Variants in GLI2 observed in about 807,000 individuals in gnomAD.
GLI2 encodes the protein transcription activator GLI2.
Under a neutral mutation model 78.9 loss-of-function variants are expected in GLI2, and 22 were observed. The ratio of observed to expected loss-of-function variants is 0.28; its 90% CI spans 0.20 to 0.40. The LOEUF (loss-of-function observed/expected upper bound fraction) is 0.40. Ranked by LOEUF, GLI2 falls within the 10% of genes least tolerant of loss-of-function variation. The pLI is 1.00. For synonymous variants in GLI2, 974 were observed against 963.7 expected, an observed-to-expected ratio of 1.01 and a Z score of -0.20; for missense variants, 2,097 against 2,213.2, an observed-to-expected ratio of 0.95 and a Z score of 1.05.
intron 12 of GLI2, 93 bp downstream of exon 12, chr2:120,984,836 C>A: frequency 1.5e-6 from 2 of 1,351,340 alleles, no homozygotes; most frequent in Non-Finnish European, 1.0e-6. Context: ...TGCCCTAAGG[C>A]CCCCCTCTAG....
chr2:120,859,133 A>G (rs1355550571), intron 2 of GLI2, among the ~76,000 whole-genome samples: 2 of 152,148 alleles, frequency 1.3e-5, no homozygotes, highest in African/African-American at 2.4e-5. Flanking sequence ...GTTACTTGCT[A>G]TTTTCTGGGA....
In GLI2 at chr2:120,984,823, C is replaced by T. The variant is rs527839425; in HGVS notation, c.1905+80C>T. 2.7e-6 allele frequency: 4 copies of T among 1,489,752 alleles called. No individual in the cohort carries two copies. The East Asian group carries it at 9.2e-5, about 34-fold the overall frequency. The allele number at this position is 1,489,752 out of a possible 1,614,324, so 92.3% of individuals were successfully genotyped here. A position where few individuals can be genotyped will look rare whatever the true frequency, so the allele number is the denominator to read the frequency against. ...GGCCACCCCTTGCCACGGTTGCGGG[C>T]TCTGCCCTAAGGCCCCCCTCTAGGG... On this transcript the variant is annotated intron_variant, in intron 12 of 13. Coordinates refer to ENST00000361492, the MANE Select transcript of GLI2 (RefSeq NM_001374353.1).
At chr2:120,882,140 T>C (rs982703772) in intron 2 of GLI2, among the ~76,000 whole-genome samples, 21 of 152,178 alleles carry the variant, frequency 1.4e-4, no homozygotes, top group African/African-American at 5.1e-4. Context: ...TCTGGACCCA[T>C]GTGGCTGCCT....
chr2:120,814,332 TA>T (rs1215668185), intron 2 of GLI2, among the ~76,000 whole-genome samples: 3 of 152,200 alleles, frequency 2.0e-5, no homozygotes, highest in Non-Finnish European at 4.4e-5. Flanking sequence ...TCTGGGGGCT[TA>T]GGAAGCCTTT....
At chr2:120,750,927 G>A (rs907540041) in intron 1 of GLI2, among the ~76,000 whole-genome samples, 2 of 152,234 alleles carry the variant, frequency 1.3e-5, no homozygotes, top group African/African-American at 4.8e-5. Flanking sequence ...GGGATGCCCC[G>A]GTACCGCCTG....
intron 4 of GLI2, 73 bp downstream of exon 4, chr2:120,951,518 A>G: frequency 1.2e-6 from 1 of 864,430 alleles, no homozygotes; most frequent in Non-Finnish European, 1.9e-6. Context: ...CTCTCACGCT[A>G]ACACTGTCAA....
chr2:120,827,677 C>T (rs1195609695), intron 2 of GLI2, among the ~76,000 whole-genome samples: 1 of 152,138 alleles, frequency 6.6e-6, no homozygotes, highest in Admixed American at 6.5e-5. Context: ...AAATGTGGTG[C>T]GTGATACAGA....
chr2:120,890,793 G>A (rs1022822233), intron 2 of GLI2, among the ~76,000 whole-genome samples: 4 of 152,164 alleles, frequency 2.6e-5, no homozygotes, highest in East Asian at 1.9e-4. Context: ...GGCCTCCTTC[G>A]GGACATCTAT....
At chr2:120,915,215 G>A (rs1441766854) in intron 2 of GLI2, among the ~76,000 whole-genome samples, 2 of 152,322 alleles carry the variant, frequency 1.3e-5, no homozygotes, top group South Asian at 2.1e-4. Flanking sequence ...CCTCAGCCTG[G>A]GGTGGGCAGT....
chr2:120,861,705 C>G (rs1244394471), intron 2 of GLI2, among the ~76,000 whole-genome samples: 1 of 152,184 alleles, frequency 6.6e-6, no homozygotes. Context: ...CTGAGCTGAG[C>G]CCTTTGTTAA....
chr2:120,937,617 A>G (rs941325666), intron 3 of GLI2, among the ~76,000 whole-genome samples: 1 of 151,884 alleles, frequency 6.6e-6, no homozygotes, highest in African/African-American at 2.4e-5. Context: ...GGGCCCTACC[A>G]CCTTCTTCAG....
chr2:120,775,602 A>AC (rs1683654460), intron 1 of GLI2, among the ~76,000 whole-genome samples: 1 of 151,982 alleles, frequency 6.6e-6, no homozygotes, highest in African/African-American at 2.4e-5. Flanking sequence ...TAGGGAGAGT[A>AC]CCCCCCAGAG....
intron 1 of GLI2, among the ~76,000 whole-genome samples, chr2:120,740,123 G>T (rs1360260803): frequency 6.6e-6 from 1 of 152,000 alleles, no homozygotes; most frequent in East Asian, 1.9e-4. Flanking sequence ...AAAAATCATT[G>T]ATTATTATTT....
intron 9 of GLI2, among the ~76,000 whole-genome samples, chr2:120,976,315 T>C (rs1314383403): frequency 6.6e-6 from 1 of 152,252 alleles, no homozygotes; most frequent in Admixed American, 6.5e-5. Context: ...CTTCCACTTA[T>C]GCAACTTGCT....
intron 1 of GLI2, among the ~76,000 whole-genome samples, chr2:120,790,538 AGGTAGGAGCTTGC>A (rs531204651): frequency 6.1e-4 from 93 of 152,276 alleles, no homozygotes; most frequent in African/African-American, 2.0e-3. Flanking sequence ...GGACCAGCGC[AGGTAGGAGCTTGC>A]GGTTCCCCTC....
intron 2 of GLI2, among the ~76,000 whole-genome samples, chr2:120,860,526 C>T (rs142914429): frequency 1.6e-4 from 25 of 152,312 alleles, no homozygotes; most frequent in African/African-American, 3.4e-4. Flanking sequence ...ACTACAGCAG[C>T]GGTCACTGAC....
intron 2 of GLI2, among the ~76,000 whole-genome samples, chr2:120,920,030 G>A (rs1679292810): frequency 2.0e-5 from 3 of 152,240 alleles, no homozygotes; most frequent in East Asian, 1.9e-4. Context: ...CTCTGAAACC[G>A]GTTTCTTCTC....
intron 2 of GLI2, among the ~76,000 whole-genome samples, chr2:120,893,224 T>C (rs916835443): frequency 1.3e-5 from 2 of 152,218 alleles, no homozygotes; most frequent in Admixed American, 6.5e-5. Context: ...GTTTTTGTCC[T>C]TGTTGTTGGA....
chr2:120,907,018 A>C (rs1466774037), intron 2 of GLI2, among the ~76,000 whole-genome samples: 2 of 151,902 alleles, frequency 1.3e-5, no homozygotes, highest in Admixed American at 6.6e-5. Flanking sequence ...CACCCTCCAC[A>C]CCAACCTGTC....
Sources: gnomAD v4.1 joint callset for allele counts (sites outside exome capture counted in the v4.1 genomes callset) on GRCh38, gnomAD v4.1.1 for gene constraint, MANE v1.5 for transcripts, NCBI Gene and HGNC (gene_info 2026-07-23, HGNC 2026-07-21) for gene names.